Variants in FHOD3 observed in about 807,000 individuals in gnomAD.
FHOD3 encodes the protein formin homology 2 domain containing 3.
A neutral mutation model predicts 173.0 loss-of-function variants in FHOD3; 90 were observed. The ratio of observed to expected loss-of-function variants is 0.52; its 90% CI spans 0.44 to 0.62. The LOEUF (loss-of-function observed/expected upper bound fraction) is 0.62. Among genes scored for constraint, FHOD3 ranks in the 20% least tolerant of loss-of-function variants. FHOD3 has a pLI of 0.00. For synonymous variants in FHOD3, 828 were observed against 823.0 expected (o/e 1.01, Z -0.10); for missense variants, 1,945 against 2,034.7 (o/e 0.96, Z 0.85).
At chr18:36,715,352 A>T (rs1238377367) in intron 18 of FHOD3, among the ~76,000 whole-genome samples, 1 of 152,098 alleles carries the variant, frequency 6.6e-6, no homozygotes, top group South Asian at 2.1e-4. Context: ...GTAAAGGAGG[A>T]CATGTTTTCT....
intron 1 of FHOD3, among the ~76,000 whole-genome samples, chr18:36,345,920 C>T (rs1598786309): frequency 6.6e-6 from 1 of 152,228 alleles, no homozygotes; most frequent in African/African-American, 2.4e-5. Flanking sequence ...GGGAATACCA[C>T]TACCGATTCT....
chr18:36,697,296 A>G (rs1443287103), intron 17 of FHOD3, among the ~76,000 whole-genome samples: 1 of 152,198 alleles, frequency 6.6e-6, no homozygotes, highest in East Asian at 1.9e-4. Context: ...GAGAGCTAGA[A>G]CTATGTTCCC....
chr18:36,604,138 G>A (rs2031779383), intron 8 of FHOD3, among the ~76,000 whole-genome samples: 1 of 152,166 alleles, frequency 6.6e-6, no homozygotes, highest in African/African-American at 2.4e-5. Flanking sequence ...CAGGTCTGGA[G>A]TTTCTCCATT....
chr18:36,750,244 T>C (rs1212027975), intron 24 of FHOD3, among the ~76,000 whole-genome samples: 1 of 152,114 alleles, frequency 6.6e-6, no homozygotes, highest in East Asian at 1.9e-4. Context: ...GCCGAGACAG[T>C]GCCACTACAC....
chr18:36,470,087 G>A (rs186931928), intron 3 of FHOD3, among the ~76,000 whole-genome samples: 5 of 152,306 alleles, frequency 3.3e-5, no homozygotes, highest in East Asian at 3.9e-4. Context: ...GTAGGAGAGC[G>A]GGGTGCCCGA....
chr18:36,351,298 T>C (rs1458433714), intron 1 of FHOD3, among the ~76,000 whole-genome samples: 1 of 152,136 alleles, frequency 6.6e-6, no homozygotes, highest in African/African-American at 2.4e-5. Context: ...TGCCCACCCA[T>C]TTATTAGGGA....
Position 36,386,333 on chromosome 18 carries a change from G to C in FHOD3, c.337+13589G>C, listed in dbSNP as rs185750696. Among the ~76,000 whole-genome samples the C allele has an allele frequency of 3.9e-5, 6 of 152,286 alleles. No individual in the cohort carries two copies. In the East Asian group the frequency reaches 1.2e-3, roughly 29 times the overall value. On this transcript the variant is annotated intron_variant, in intron 3 of 28. Coordinates refer to ENST00000590592, the MANE Select transcript of FHOD3 (RefSeq NM_001281740.3). ...GGGCATGGGTGCTGGGGTTGGCAAG[G>C]GTGATGTGGGTGGCCAGGGGTGGGC...
intron 3 of FHOD3, among the ~76,000 whole-genome samples, chr18:36,449,255 A>G (rs1457357630): frequency 1.3e-5 from 2 of 151,934 alleles, no homozygotes; most frequent in Admixed American, 6.5e-5. Flanking sequence ...TGACTACTAG[A>G]TAATTGAAAT....
intron 4 of FHOD3, among the ~76,000 whole-genome samples, chr18:36,510,526 T>C (rs2055574937): frequency 6.6e-6 from 1 of 152,230 alleles, no homozygotes; most frequent in African/African-American, 2.4e-5. Flanking sequence ...TATATTAATA[T>C]TAGTGATTAG....
chr18:36,540,963 ATGT>A (rs916559143), intron 5 of FHOD3, among the ~76,000 whole-genome samples: 5 of 152,174 alleles, frequency 3.3e-5, no homozygotes, highest in African/African-American at 9.7e-5. Flanking sequence ...ATTAAAAGAA[ATGT>A]TGGGCTGGGC....
intron 3 of FHOD3, among the ~76,000 whole-genome samples, chr18:36,466,125 C>A (rs1256024492): frequency 6.6e-6 from 1 of 152,178 alleles, no homozygotes; most frequent in Non-Finnish European, 1.5e-5. Flanking sequence ...CTGCAGAGAG[C>A]TGCCCATACC....
intron 15 of FHOD3, among the ~76,000 whole-genome samples, chr18:36,682,013 A>G (rs1380023307): frequency 6.6e-6 from 1 of 152,198 alleles, no homozygotes; most frequent in Non-Finnish European, 1.5e-5. Context: ...TGTAAACAAT[A>G]ATCTCTTGCT....
chr18:36,610,906 C>G (rs531484591), intron 8 of FHOD3, among the ~76,000 whole-genome samples: 2 of 152,352 alleles, frequency 1.3e-5, no homozygotes, highest in Admixed American at 6.5e-5. Flanking sequence ...TGTCTTCAGT[C>G]GCTTCCTGTT....
intron 3 of FHOD3, among the ~76,000 whole-genome samples, chr18:36,465,347 G>A (rs1342877763): frequency 6.6e-6 from 1 of 152,048 alleles, no homozygotes; most frequent in Non-Finnish European, 1.5e-5. Context: ...ATTAGACACG[G>A]ATCTCATACC....
In FHOD3 at chr18:36,730,799, A is replaced by G. The variant is rs575632990; in HGVS notation, c.3571A>G (p.Ile1191Val). 38 of 1,613,792 alleles carry G rather than the reference A, an allele frequency of 2.4e-5. 2 individuals are homozygous for G. The South Asian group carries it at 3.9e-4, about 16-fold the overall frequency. The change falls in exon 20 of 29, where the codon ATC (isoleucine) becomes GTC (valine). Residue 1191 changes from isoleucine to valine, a missense_variant. By Grantham distance (29) the Ile-to-Val change is conservative. Coordinates refer to ENST00000590592, the MANE Select transcript of FHOD3 (RefSeq NM_001281740.3). ...FDEYALNKEGIEKILTMIPTD... is the reference protein window; with the variant it reads ...FDEYALNKEGVEKILTMIPTD... Reference sequence around the variant, plus strand: ...TGAGTATGCCTTAAACAAAGAAGGAATCGAGGTGAGGGAAGCTCTATTAAG... The same window carrying G: ...TGAGTATGCCTTAAACAAAGAAGGAGTCGAGGTGAGGGAAGCTCTATTAAG...
At chr18:36,469,983 G>A (rs988019711) in intron 3 of FHOD3, among the ~76,000 whole-genome samples, 56 of 152,280 alleles carry the variant, frequency 3.7e-4, no homozygotes, top group African/African-American at 1.2e-3. Flanking sequence ...TTGGAAAACC[G>A]GTTCCTGTTC....
intron 2 of FHOD3, among the ~76,000 whole-genome samples, chr18:36,367,957 C>T (rs1034625987): frequency 6.6e-6 from 1 of 151,764 alleles, no homozygotes; most frequent in Non-Finnish European, 1.5e-5. Context: ...GAAGGTGCTG[C>T]TTTCCCTTTA....
intron 14 of FHOD3, among the ~76,000 whole-genome samples, chr18:36,664,240 G>A (rs1006167374): frequency 2.6e-5 from 4 of 152,176 alleles, no homozygotes; most frequent in Non-Finnish European, 5.9e-5. Flanking sequence ...AAAGGACATT[G>A]TTTTTCTATG....
chr18:36,559,018 CAGGACAGGA>C (rs2057995918), intron 5 of FHOD3, among the ~76,000 whole-genome samples: 1 of 152,122 alleles, frequency 6.6e-6, no homozygotes, highest in African/African-American at 2.4e-5. Context: ...AGTGTTTTCA[CAGGACAGGA>C]AGAATCACCT....
Sources: allele counts gnomAD v4.1 joint callset (sites outside exome capture counted in the v4.1 genomes callset), GRCh38; gene constraint gnomAD v4.1.1; transcripts MANE v1.5; gene names NCBI Gene and HGNC (gene_info 2026-07-23, HGNC 2026-07-21).